EDIL3: variants seen among roughly 807,000 people sequenced by gnomAD.
EDIL3 encodes the protein EGF like and discoidin domains 3, also known as EGF-like repeat and discoidin I-like domain-containing protein 3.
In EDIL3, 37 loss-of-function variants were observed where a neutral mutation model predicts 67.4. The ratio of observed to expected loss-of-function variants is 0.55; its 90% CI spans 0.42 to 0.72. The LOEUF (loss-of-function observed/expected upper bound fraction) is 0.72, where lower values mean the gene tolerates loss of function less well. Among genes scored for constraint, EDIL3 ranks in the 30% least tolerant of loss-of-function variants. The pLI is 0.00. For synonymous variants in EDIL3, 195 were observed against 196.3 expected, an observed-to-expected ratio of 0.99 and a Z score of 0.05; for missense variants, 527 against 586.3, an observed-to-expected ratio of 0.90 and a Z score of 1.04.
chr5:84,082,960 A>G (rs1441375299), intron 6 of EDIL3, among the ~76,000 whole-genome samples: 1 of 152,150 alleles, frequency 6.6e-6, no homozygotes, highest in African/African-American at 2.4e-5. Flanking sequence ...ATCTCTTAAC[A>G]CGTCCCCTGA....
At chr5:84,196,216 C>T (rs1450569069) in intron 3 of EDIL3, among the ~76,000 whole-genome samples, 1 of 151,912 alleles carries the variant, frequency 6.6e-6, no homozygotes. Context: ...TGATTTGGGT[C>T]TCCACAGTCC....
intron 9 of EDIL3, among the ~76,000 whole-genome samples, chr5:84,050,376 C>T (rs1251023254): frequency 6.6e-6 from 1 of 152,114 alleles, no homozygotes; most frequent in Non-Finnish European, 1.5e-5. Flanking sequence ...GTCTACAGCT[C>T]CCAGTGTGAG....
intron 5 of EDIL3, among the ~76,000 whole-genome samples, chr5:84,114,176 G>A (rs1747624597): frequency 7.5e-6 from 1 of 132,620 alleles, no homozygotes; most frequent in Non-Finnish European, 1.6e-5. Context: ...TTTTTGATGA[G>A]TCGTGTCAGC....
chr5:84,321,787 A>G (rs1746654712), intron 1 of EDIL3, among the ~76,000 whole-genome samples: 1 of 152,128 alleles, frequency 6.6e-6, no homozygotes, highest in Admixed American at 6.6e-5. Context: ...TTGCCAATAA[A>G]TTCCCCTTGA....
chr5:84,321,178 T>C (rs1304245110), intron 1 of EDIL3, among the ~76,000 whole-genome samples: 1 of 152,202 alleles, frequency 6.6e-6, no homozygotes, highest in African/African-American at 2.4e-5. Flanking sequence ...TTTTTTCTTC[T>C]GGAAATAAAT....
intron 1 of EDIL3, among the ~76,000 whole-genome samples, chr5:84,345,536 C>CTCCAGTCTTTCCATTGCCAG (rs1446206456): frequency 2.0e-5 from 3 of 152,072 alleles, no homozygotes; most frequent in African/African-American, 7.2e-5. Flanking sequence ...AATAAAATAT[C>CTCCAGTCTTTCCATTGCCAG]TGAGCTCTCC....
chr5:83,999,407 G>A (rs780370577), intron 9 of EDIL3, among the ~76,000 whole-genome samples: 12 of 152,058 alleles, frequency 7.9e-5, no homozygotes, highest in Non-Finnish European at 1.6e-4. Context: ...AAGATAACAT[G>A]AAGAAGGAAT....
chr5:84,086,564 G>T (rs1463037790), intron 6 of EDIL3, among the ~76,000 whole-genome samples: 1 of 152,110 alleles, frequency 6.6e-6, no homozygotes, highest in African/African-American at 2.4e-5. Flanking sequence ...TGTTGGTCTC[G>T]CTGGGAGCTG....
chr5:84,217,464 T>C (rs1580382255), intron 3 of EDIL3, among the ~76,000 whole-genome samples: 2 of 152,292 alleles, frequency 1.3e-5, no homozygotes, highest in Admixed American at 6.5e-5. Flanking sequence ...GTCGATGTGA[T>C]TAACATCTAC....
At chr5:84,148,667 A>T (rs1010439554) in intron 4 of EDIL3, among the ~76,000 whole-genome samples, 1 of 152,114 alleles carries the variant, frequency 6.6e-6, no homozygotes, top group South Asian at 2.1e-4. Flanking sequence ...ACAAAATTAT[A>T]GGATATTTTG....
intron 5 of EDIL3, among the ~76,000 whole-genome samples, chr5:84,120,018 C>A (rs1747743293): frequency 6.6e-6 from 1 of 151,734 alleles, no homozygotes; most frequent in African/African-American, 2.4e-5. Context: ...CCCTTGGTAC[C>A]CAGCCAACTC....
rs560068563 is a variant in EDIL3, at chr5:84,355,219, T to C, written c.67+29089A>G. 1.5e-4 allele frequency among the ~76,000 whole-genome samples: 23 copies of C among 152,222 alleles called. No homozygotes were observed. The South Asian group carries it at 4.8e-3, about 32-fold the overall frequency. On this transcript the variant is annotated intron_variant, in intron 1 of 10. Coordinates refer to ENST00000296591, the MANE Select transcript of EDIL3 (RefSeq NM_005711.5). ...TTTCTCTAATCTTGTCTTCACGCTT[T>C]ATTTCATTAAGTTAATCTTCAATCT...
intron 1 of EDIL3, among the ~76,000 whole-genome samples, chr5:84,344,025 G>A (rs889673244): frequency 7.2e-5 from 11 of 152,022 alleles, no homozygotes; most frequent in African/African-American, 2.7e-4. Context: ...TCCCTCAATA[G>A]AAGAATTCTA....
At chr5:84,141,924 C>G (rs495012) in intron 4 of EDIL3, among the ~76,000 whole-genome samples, 1 of 128,706 alleles carries the variant, frequency 7.8e-6, no homozygotes, top group African/African-American at 3.1e-5. Context: ...TATATATATA[C>G]ACATATATAT....
intron 2 of EDIL3, among the ~76,000 whole-genome samples, chr5:84,237,593 T>C (rs1377808733): frequency 6.6e-6 from 1 of 152,096 alleles, no homozygotes; most frequent in African/African-American, 2.4e-5. Context: ...TAAATGAGGT[T>C]TCAATGAATA....
chr5:84,073,980 G>T (rs1207697093), intron 6 of EDIL3, among the ~76,000 whole-genome samples: 1 of 151,532 alleles, frequency 6.6e-6, no homozygotes, highest in Non-Finnish European at 1.5e-5. Context: ...AAACAGCATG[G>T]TACTGGTACC....
At chr5:84,105,124 T>C (rs1334508099) in intron 6 of EDIL3, among the ~76,000 whole-genome samples, 1 of 152,090 alleles carries the variant, frequency 6.6e-6, no homozygotes. Flanking sequence ...TTAGTAAATA[T>C]GATATAATTA....
chr5:84,077,083 T>C (rs1023300983), intron 6 of EDIL3, among the ~76,000 whole-genome samples: 1 of 152,238 alleles, frequency 6.6e-6, no homozygotes, highest in African/African-American at 2.4e-5. Context: ...ATGAATTGGA[T>C]ACTCTCTTTT....
chr5:84,148,339 G>A (rs1748324307), intron 4 of EDIL3, among the ~76,000 whole-genome samples: 2 of 152,102 alleles, frequency 1.3e-5, no homozygotes, highest in South Asian at 4.1e-4. Context: ...GAGTAGCCCT[G>A]TCTTGGAGAG....
Sources: allele counts gnomAD v4.1 joint callset (sites outside exome capture counted in the v4.1 genomes callset), GRCh38; gene constraint gnomAD v4.1.1; transcripts MANE v1.5; gene names NCBI Gene and HGNC (gene_info 2026-07-23, HGNC 2026-07-21).